TRIP12: variants seen among roughly 807,000 people sequenced by gnomAD.
The protein encoded by TRIP12 is thyroid hormone receptor interactor 12, also known as E3 ubiquitin-protein ligase TRIP12.
A neutral mutation model predicts 244.2 loss-of-function variants in TRIP12; 25 were observed. The ratio of observed to expected loss-of-function variants is 0.10; its 90% CI spans 0.07 to 0.14. The LOEUF is 0.14. TRIP12 is among the 10% of genes least tolerant of loss of function. The pLI is 1.00. For synonymous variants in TRIP12, 905 were observed against 873.1 expected (o/e 1.04, Z -0.64); for missense variants, 1,677 against 2,486.4 (o/e 0.67, Z 6.92).
chr2:229,786,427 C>T (rs2040034384), intron 33 of TRIP12, among the ~76,000 whole-genome samples: 1 of 134,232 alleles, frequency 7.4e-6, no homozygotes, highest in Non-Finnish European at 1.5e-5. Flanking sequence ...TAGGTGGCGT[C>T]TCGCTCTGTT....
intron 15 of TRIP12, among the ~76,000 whole-genome samples, chr2:229,809,100 A>C (rs948917269): frequency 1.3e-5 from 2 of 152,230 alleles, no homozygotes; most frequent in African/African-American, 4.8e-5. Flanking sequence ...AAATATACAT[A>C]AACATTTTAT....
At chr2:229,850,457 C>T (rs1475372780) in intron 4 of TRIP12, among the ~76,000 whole-genome samples, 1 of 152,204 alleles carries the variant, frequency 6.6e-6, no homozygotes. Flanking sequence ...GCTCCCTGCC[C>T]AACTCTTCAC....
intron 8 of TRIP12, among the ~76,000 whole-genome samples, chr2:229,826,138 T>C (rs1477038404): frequency 6.6e-6 from 1 of 152,186 alleles, no homozygotes; most frequent in African/African-American, 2.4e-5. Flanking sequence ...AGATATCCTT[T>C]ATATATTTCT....
chr2:229,804,159 T>G lies in TRIP12; in HGVS notation c.2719A>C (p.Lys907Gln), dbSNP rs777895718. 1.9e-6 allele frequency: 3 copies of G among 1,614,164 alleles called. No individual in the cohort carries two copies. In the South Asian group the frequency reaches 3.3e-5, roughly 18 times the overall value. Residue 907 changes from lysine (K) to glutamine (Q), a missense_variant, in exon 19 of 42, where the codon AAG becomes CAG. Physicochemically the swap from Lys to Gln is moderately conservative, Grantham distance 53. Transcript: ENST00000675903. ...QLMKEDPELA[K>Q]SFIKTLFGVL... ...CCAAATAATGTCTTAATAAAAGACT[T>G]AGCCAGTTCCGGATCCTCTTTCATA... is the stretch of plus-strand genomic sequence containing the variant.
At chr2:229,787,302 G>T (rs1220057360) in intron 33 of TRIP12, among the ~76,000 whole-genome samples, 1 of 152,128 alleles carries the variant, frequency 6.6e-6, no homozygotes, top group Non-Finnish European at 1.5e-5. Context: ...TTCAGAAACT[G>T]GGGGGTGGGG....
At position 229,917,595 on chromosome 2, in the gene TRIP12, A is replaced by C. The variant is rs77690020; in HGVS notation, c.-50+4285T>G. ...AGAATAATCCACTGGCTTAACACTA[A>C]AACATGGCAGTGACAGTTGATATCC... On this transcript the variant is annotated intron_variant, in intron 1 of 41. Transcript: ENST00000675903. 8.7e-3 allele frequency among the ~76,000 whole-genome samples: 1,325 copies of C among 152,034 alleles called. 14 individuals carry two copies. Among genetic ancestry groups the C allele is most frequent in the African/African-American group, 0.03 (1,250 of 41,446 alleles).
At chr2:229,843,013 C>T (rs964240024) in intron 4 of TRIP12, among the ~76,000 whole-genome samples, 6 of 152,032 alleles carry the variant, frequency 3.9e-5, no homozygotes, top group South Asian at 2.1e-4. Context: ...AAAGATCCTT[C>T]CTGATCCCTT....
intron 1 of TRIP12, among the ~76,000 whole-genome samples, chr2:229,913,659 T>G (rs542625574): frequency 4.7e-4 from 71 of 152,260 alleles, no homozygotes; most frequent in African/African-American, 1.7e-3. Context: ...AGCAAGTAAA[T>G]TATGGCAAAC....
At chr2:229,823,686 AC>A (rs1228349792) in intron 8 of TRIP12, among the ~76,000 whole-genome samples, 3 of 140,414 alleles carry the variant, frequency 2.1e-5, no homozygotes, top group Non-Finnish European at 3.1e-5. Context: ...AAAAAAAAAA[AC>A]AACAACAACA....
chr2:229,791,030 T>A, intron 30 of TRIP12, 94 bp downstream of exon 30: 1 of 1,498,618 alleles, frequency 6.7e-7, no homozygotes, highest in Non-Finnish European at 9.1e-7. Context: ...TATTCAAAAA[T>A]TTTACTACTA....
intron 2 of TRIP12, among the ~76,000 whole-genome samples, chr2:229,873,792 G>GTTTTTAC (rs533218366): frequency 1.7e-3 from 265 of 152,174 alleles, no homozygotes; most frequent in Non-Finnish European, 3.0e-3. Context: ...TCACAATTGA[G>GTTTTTAC]TTTTTACTGA....
intron 1 of TRIP12, among the ~76,000 whole-genome samples, chr2:229,909,514 T>C (rs1185896989): frequency 6.6e-6 from 1 of 150,892 alleles, no homozygotes; most frequent in African/African-American, 2.4e-5. Flanking sequence ...GCAGTGACTG[T>C]GCCACTGGAC....
chr2:229,844,465 C>T (rs1182935577), intron 4 of TRIP12, among the ~76,000 whole-genome samples: 2 of 152,178 alleles, frequency 1.3e-5, no homozygotes, highest in African/African-American at 4.8e-5. Flanking sequence ...ATGCTATCTT[C>T]CATTCTTACA....
chr2:229,807,472 A>G, intron 17 of TRIP12: 2 of 545,134 alleles, frequency 3.7e-6, no homozygotes, highest in Non-Finnish European at 6.5e-6. Context: ...GGAACAACAA[A>G]CTTAAATTAC....
At position 229,807,750 on chromosome 2, in the gene TRIP12, G is replaced by A. The variant is rs1454565651; in HGVS notation, c.2454C>T (p.Gly818=). 6.2e-7 allele frequency: 1 copy of A among 1,614,064 alleles called. No homozygotes were observed. The highest frequency in any genetic ancestry group is 8.5e-7 in the Non-Finnish European group (1 of 1,180,030). Residue 818 remains glycine (G), a synonymous_variant, in exon 17 of 42, where the codon GGC becomes GGT. Transcript: ENST00000675903. ...CAATCCTGTTATATGGATGCCAGAG[G>A]CCCCGATCATCACGCCACTGCCATA... ...GAIWQWRDDR[G]LWHPYNRIDS...
intron 4 of TRIP12, among the ~76,000 whole-genome samples, chr2:229,854,162 C>T (rs757852453): frequency 1.3e-5 from 2 of 152,148 alleles, no homozygotes; most frequent in Non-Finnish European, 2.9e-5. Context: ...ATGTATATTA[C>T]AGCCATGAGG....
At chr2:229,888,584 T>G (rs2066562621) in intron 1 of TRIP12, among the ~76,000 whole-genome samples, 1 of 151,742 alleles carries the variant, frequency 6.6e-6, no homozygotes, top group Non-Finnish European at 1.5e-5. Flanking sequence ...AAAATGTCCA[T>G]CAGATTTAGA....
chr2:229,920,469 C>T (rs1161738675), intron 1 of TRIP12, among the ~76,000 whole-genome samples: 1 of 152,028 alleles, frequency 6.6e-6, no homozygotes. Context: ...GTACCCGCCT[C>T]CCCCCGCACC....
intron 2 of TRIP12, among the ~76,000 whole-genome samples, chr2:229,867,492 T>C (rs2061769867): frequency 6.6e-6 from 1 of 151,974 alleles, no homozygotes; most frequent in Admixed American, 6.6e-5. Context: ...ACTTTAGAGA[T>C]AGTATATGAG....
Sources: gnomAD v4.1 joint callset for allele counts (sites outside exome capture counted in the v4.1 genomes callset) on GRCh38, gnomAD v4.1.1 for gene constraint, MANE v1.5 for transcripts, NCBI Gene and HGNC (gene_info 2026-07-23, HGNC 2026-07-21) for gene names.